ADK: variants seen among roughly 807,000 people sequenced by gnomAD.
ADK encodes the protein N6,N6-dimethyladenosine kinase.
In ADK, 24 loss-of-function variants were observed where a neutral mutation model predicts 44.7. The observed-to-expected ratio is 0.54, with a 90% CI of 0.39 to 0.76. ADK has a LOEUF of 0.76. Ranked by LOEUF, ADK falls within the 30% of genes least tolerant of loss-of-function variation. ADK has a pLI of 0.00. For missense variants in ADK, 321 were observed against 425.1 expected (o/e 0.76, Z 2.15); for synonymous variants, 128 against 142.6 (o/e 0.90, Z 0.73).
At chr10:74,438,516 C>G (rs1308311093) in intron 6 of ADK, among the ~76,000 whole-genome samples, 1 of 152,086 alleles carries the variant, frequency 6.6e-6, no homozygotes, top group East Asian at 1.9e-4. Flanking sequence ...AGGCATGAGC[C>G]ACTGCCCCCG....
intron 9 of ADK, among the ~76,000 whole-genome samples, chr10:74,651,821 C>G (rs1010897501): frequency 1.3e-5 from 2 of 152,002 alleles, no homozygotes; most frequent in African/African-American, 4.8e-5. Flanking sequence ...AGGTGGATGA[C>G]TGATGTGAGT....
At chr10:74,498,525 T>C (rs1203522092) in intron 6 of ADK, among the ~76,000 whole-genome samples, 1 of 152,132 alleles carries the variant, frequency 6.6e-6, no homozygotes, top group East Asian at 1.9e-4. Flanking sequence ...CTCTACACTT[T>C]ATTTTTTATT....
chr10:74,241,263 TAC>T (rs1845195097), intron 3 of ADK, among the ~76,000 whole-genome samples: 1 of 152,240 alleles, frequency 6.6e-6, no homozygotes, highest in African/African-American at 2.4e-5. Context: ...TGAGCAAAGA[TAC>T]AGAGATTTCC....
intron 7 of ADK, among the ~76,000 whole-genome samples, chr10:74,567,965 C>G (rs1422732960): frequency 6.6e-6 from 1 of 152,094 alleles, no homozygotes; most frequent in African/African-American, 2.4e-5. Flanking sequence ...TCCCAAAGTG[C>G]TGGGATTACA....
chr10:74,172,138 T>C (rs1470788974), intron 1 of ADK, among the ~76,000 whole-genome samples: 1 of 16,212 alleles, frequency 6.2e-5, no homozygotes, highest in Non-Finnish European at 2.4e-4. Context: ...ATGGATTTTC[T>C]TTTTTTTTTT....
intron 4 of ADK, among the ~76,000 whole-genome samples, chr10:74,367,716 C>T (rs1483606338): frequency 6.6e-6 from 1 of 152,192 alleles, no homozygotes; most frequent in Non-Finnish European, 1.5e-5. Context: ...AGCTGTCATA[C>T]TGTAAACAAG....
intron 3 of ADK, among the ~76,000 whole-genome samples, chr10:74,246,269 A>G (rs576633287): frequency 6.6e-6 from 1 of 152,308 alleles, no homozygotes; most frequent in Admixed American, 6.5e-5. Context: ...ACCATGCCAT[A>G]CTGATTGAAT....
chr10:74,193,770 A>G (rs1179616053), intron 1 of ADK, among the ~76,000 whole-genome samples: 2 of 152,204 alleles, frequency 1.3e-5, no homozygotes, highest in East Asian at 3.8e-4. Flanking sequence ...GCCTGTCTCA[A>G]AAAAAGAAAG....
intron 4 of ADK, among the ~76,000 whole-genome samples, chr10:74,356,626 C>T (rs1376283074): frequency 6.6e-6 from 1 of 152,164 alleles, no homozygotes; most frequent in African/African-American, 2.4e-5. Flanking sequence ...CTGTTCAGTA[C>T]ATCTCTAGCA....
chr10:74,181,231 A>G (rs886173232), intron 1 of ADK, among the ~76,000 whole-genome samples: 2 of 151,908 alleles, frequency 1.3e-5, no homozygotes, highest in East Asian at 1.9e-4. Flanking sequence ...ATTCCTAAAT[A>G]ATGATTTTTT....
chr10:74,323,772 G>A lies in ADK; in HGVS notation c.273+9027G>A, dbSNP rs549668681. 4.6e-5 allele frequency among the ~76,000 whole-genome samples: 7 copies of A among 151,998 alleles called. No homozygotes were observed. In the East Asian group the frequency reaches 9.7e-4, roughly 21 times the overall value. ...TTTTTAGTAGAGACGAGGTTTCACC[G>A]TGTTAGCCAGGATGGTCTCTATCTC... On this transcript the variant is annotated intron_variant, in intron 4 of 10. Transcript: ENST00000539909.
At chr10:74,390,597 T>C (rs1843297575) in intron 4 of ADK, among the ~76,000 whole-genome samples, 1 of 152,188 alleles carries the variant, frequency 6.6e-6, no homozygotes, top group African/African-American at 2.4e-5. Context: ...GCATTGATAC[T>C]GTTTTCTGAT....
At chr10:74,275,476 C>T (rs1225507631) in intron 3 of ADK, among the ~76,000 whole-genome samples, 2 of 152,086 alleles carry the variant, frequency 1.3e-5, no homozygotes, top group East Asian at 1.9e-4. Flanking sequence ...AGTTACCTAT[C>T]GGTAGAAAGT....
At chr10:74,658,879 TAC>T (rs567084013) in intron 9 of ADK, among the ~76,000 whole-genome samples, 61 of 150,668 alleles carry the variant, frequency 4.0e-4, no homozygotes, top group Middle Eastern at 3.4e-3. Context: ...TAATTCATTA[TAC>T]ACACACACAC....
intron 3 of ADK, among the ~76,000 whole-genome samples, chr10:74,271,780 T>C (rs1370444397): frequency 6.6e-6 from 1 of 151,920 alleles, no homozygotes; most frequent in Admixed American, 6.6e-5. Flanking sequence ...TATTCAGGTA[T>C]ATTTTAAGGC....
chr10:74,527,073 C>A (rs1485450416), intron 7 of ADK, among the ~76,000 whole-genome samples: 1 of 151,918 alleles, frequency 6.6e-6, no homozygotes. Flanking sequence ...AAATATGATT[C>A]CAAAGAGGCC....
In ADK at chr10:74,239,715, CAAAAAAAAAAAAAA is replaced by C. The variant is rs61022417; in HGVS notation, c.194+15137_194+15150del. The stretch of plus-strand genomic sequence containing the variant: ...TGGGTGAGAAAGTGAGACCTTGTCT[CAAAAAAAAAAAAAA>C]AAAAAAAAAAAAGACACAATAAAAG... On this transcript the variant is annotated intron_variant, in intron 3 of 10. Transcript: ENST00000539909. Among the ~76,000 whole-genome samples the C allele has an allele frequency of 3.2e-4, 27 of 85,038 alleles. No homozygotes were observed. The Admixed American group carries it at 3.5e-3, about 11-fold the overall frequency. 55.8% of individuals were successfully genotyped at this position (85,038 alleles called of 152,430 possible).
intron 2 of ADK, among the ~76,000 whole-genome samples, chr10:74,206,714 A>G (rs1211799945): frequency 6.6e-5 from 10 of 152,236 alleles, no homozygotes; most frequent in Admixed American, 6.5e-4. Context: ...TTATGGGCTA[A>G]TACTATGTGT....
intron 4 of ADK, among the ~76,000 whole-genome samples, chr10:74,340,258 T>G (rs868843498): frequency 3.3e-5 from 5 of 152,142 alleles, no homozygotes; most frequent in Non-Finnish European, 7.4e-5. Flanking sequence ...AAATTCCAGT[T>G]AAAAATCTAA....
Sources: allele counts gnomAD v4.1 joint callset (sites outside exome capture counted in the v4.1 genomes callset), GRCh38; gene constraint gnomAD v4.1.1; transcripts MANE v1.5; gene names NCBI Gene and HGNC (gene_info 2026-07-23, HGNC 2026-07-21).